The following DMD variants were observed in gnomAD, a reference collection of about 807,000 sequenced individuals.
DMD encodes dystrophin.
A neutral mutation model predicts 330.1 loss-of-function variants in DMD; 63 were observed. That is an observed-to-expected ratio of 0.19 (90% CI 0.16 to 0.24). The LOEUF (loss-of-function observed/expected upper bound fraction) is 0.24, where lower values mean the gene tolerates loss of function less well. Among genes scored for constraint, DMD ranks in the 10% least tolerant of loss-of-function variants. DMD has a pLI of 1.00. For missense variants in DMD, 3,344 were observed against 2,684.1 expected (o/e 1.25, Z -5.43); for synonymous variants, 1,223 against 959.8 (o/e 1.27, Z -5.07).
intron 7 of DMD, among the ~76,000 whole-genome samples, chrX:32,776,497 G>A (rs1221852343): frequency 1.8e-5 from 2 of 111,582 alleles, no homozygotes; most frequent in Non-Finnish European, 3.8e-5. Context: ...AGGCCCCCAG[G>A]AAACTTACAA....
chrX:32,680,720 G>A (rs1373147510), intron 9 of DMD, among the ~76,000 whole-genome samples: 1 of 110,674 alleles, frequency 9.0e-6, no homozygotes, highest in African/African-American at 3.3e-5. Context: ...ATTTCATTTT[G>A]AGCCTCAACA....
intron 54 of DMD, among the ~76,000 whole-genome samples, chrX:31,639,247 T>C (rs1338257846): frequency 9.0e-6 from 1 of 111,705 alleles, no homozygotes; most frequent in African/African-American, 3.3e-5. Flanking sequence ...AGAGTGTTAC[T>C]ATAATAGCAT....
At chrX:32,630,671 ATTC>A (rs2058674254) in intron 11 of DMD, among the ~76,000 whole-genome samples, 1 of 111,233 alleles carries the variant, frequency 9.0e-6, no homozygotes, top group African/African-American at 3.3e-5. Flanking sequence ...TTTTTGTTCG[ATTC>A]TTTTTATTTC....
intron 9 of DMD, among the ~76,000 whole-genome samples, chrX:32,688,136 T>G (rs190953990): frequency 2.7e-5 from 3 of 111,217 alleles, no homozygotes; most frequent in Non-Finnish European, 3.8e-5. Context: ...GAACACAGAT[T>G]AGCTAAATTC....
intron 1 of DMD, among the ~76,000 whole-genome samples, chrX:33,294,761 AG>A (rs1003809696): frequency 9.1e-6 from 1 of 110,385 alleles, no homozygotes; most frequent in Non-Finnish European, 1.9e-5. Context: ...GAAAAAAAAA[AG>A]GGAATCAAAG....
At chrX:32,111,738 C>T (rs960473646) in intron 44 of DMD, among the ~76,000 whole-genome samples, 7 of 111,214 alleles carry the variant, frequency 6.3e-5, no homozygotes, top group African/African-American at 2.3e-4. Flanking sequence ...TCACACAATC[C>T]CTGTGATTCC....
intron 7 of DMD, among the ~76,000 whole-genome samples, chrX:32,781,454 G>A (rs1603412443): frequency 8.9e-6 from 1 of 111,969 alleles, no homozygotes; most frequent in African/African-American, 3.2e-5. Flanking sequence ...CGAAACATTT[G>A]AAAAACAGAA....
intron 55 of DMD, among the ~76,000 whole-genome samples, chrX:31,620,414 ATT>A (rs796904162): frequency 7.2e-5 from 7 of 97,614 alleles, no homozygotes; most frequent in Admixed American, 1.1e-4. Context: ...CCATGACATA[ATT>A]TTTTTTTTTT....
intron 7 of DMD, among the ~76,000 whole-genome samples, chrX:32,704,723 T>C (rs2064447962): frequency 2.7e-5 from 3 of 111,457 alleles, no homozygotes; most frequent in Admixed American, 9.6e-5. Flanking sequence ...CAAAAATAAA[T>C]AAATTCACTG....
intron 2 of DMD, among the ~76,000 whole-genome samples, chrX:33,016,545 A>G (rs765895701): frequency 9.0e-6 from 1 of 111,518 alleles, no homozygotes; most frequent in Non-Finnish European, 1.9e-5. Context: ...TGGTCCAGGA[A>G]CACTATCATA....
chrX:32,365,458 A>T (rs1212881799), intron 34 of DMD, among the ~76,000 whole-genome samples: 1 of 111,027 alleles, frequency 9.0e-6, no homozygotes, highest in Non-Finnish European at 1.9e-5. Context: ...TTGTTCAACT[A>T]AATATATTTA....
intron 9 of DMD, among the ~76,000 whole-genome samples, chrX:32,646,334 G>A (rs1007762079): frequency 2.7e-5 from 3 of 110,975 alleles, no homozygotes; most frequent in Non-Finnish European, 5.7e-5. Context: ...GCAGGTCGCC[G>A]GGCTTCAAAA....
intron 2 of DMD, among the ~76,000 whole-genome samples, chrX:32,946,822 C>A (rs1248523668): frequency 9.0e-6 from 1 of 111,056 alleles, no homozygotes; most frequent in Admixed American, 9.7e-5. Context: ...TTATAGTCAC[C>A]TGGGGAGCTT....
At chrX:33,276,370 T>C (rs2053235768) in intron 1 of DMD, among the ~76,000 whole-genome samples, 1 of 111,166 alleles carries the variant, frequency 9.0e-6, no homozygotes, top group East Asian at 2.8e-4. Flanking sequence ...TTGGTGCTGA[T>C]AGGGTCTTTT....
At position 32,267,963 on chromosome X, in the gene DMD, A is replaced by G. The variant is rs748266494; in HGVS notation, c.6290+19566T>C. 4.4e-5 allele frequency among the ~76,000 whole-genome samples: 5 copies of G among 112,480 alleles called. No homozygotes were observed. In the East Asian group the frequency reaches 1.4e-3, roughly 31 times the overall value. Reference sequence around the variant, plus strand: ...GTGAGTACATAGGAATATCAAAGGTATACATTAGCAAAAGATTAAACAAGT... The same window carrying G: ...GTGAGTACATAGGAATATCAAAGGTGTACATTAGCAAAAGATTAAACAAGT... On this transcript the variant is annotated intron_variant, in intron 43 of 78. Coordinates refer to ENST00000357033, the MANE Select transcript of DMD (RefSeq NM_004006.3).
chrX:33,185,011 C>T (rs1603398819), intron 1 of DMD, among the ~76,000 whole-genome samples: 1 of 110,141 alleles, frequency 9.1e-6, no homozygotes, highest in South Asian at 3.9e-4. Flanking sequence ...TGTGAGCCAC[C>T]GCGCCCGGCC....
At chrX:33,071,885 C>T (rs907329988) in intron 1 of DMD, among the ~76,000 whole-genome samples, 3 of 111,738 alleles carry the variant, frequency 2.7e-5, no homozygotes, top group Non-Finnish European at 5.6e-5. Context: ...TTACATTTTT[C>T]GTAAAGATTC....
At chrX:33,210,707 TGTGA>T (rs1049033642) in intron 1 of DMD, among the ~76,000 whole-genome samples, 3 of 111,760 alleles carry the variant, frequency 2.7e-5, no homozygotes, top group African/African-American at 9.7e-5. Context: ...AAATAGTAAA[TGTGA>T]GTAAGAAACA....
intron 50 of DMD, among the ~76,000 whole-genome samples, chrX:31,790,226 TG>T (rs1051089801): frequency 9.0e-6 from 1 of 111,494 alleles, no homozygotes; most frequent in Non-Finnish European, 1.9e-5. Flanking sequence ...AGTTTACTAC[TG>T]GGGGCCTCAC....
Sources: gnomAD v4.1 joint callset for allele counts (sites outside exome capture counted in the v4.1 genomes callset) on GRCh38, gnomAD v4.1.1 for gene constraint, MANE v1.5 for transcripts, NCBI Gene and HGNC (gene_info 2026-07-23, HGNC 2026-07-21) for gene names.